The following NXPE2 variants were observed in gnomAD, a reference collection of about 807,000 sequenced individuals.
NXPE2 encodes NXPE family member 2.
Under a neutral mutation model 34.4 loss-of-function variants are expected in NXPE2, and 34 were observed. The observed-to-expected ratio is 0.99, with a 90% CI of 0.75 to 1.31. NXPE2 has a LOEUF of 1.31. Among genes scored for constraint, NXPE2 ranks in the 40% most tolerant of loss-of-function variants. The pLI is 0.00. For missense variants in NXPE2, 649 were observed against 672.5 expected (o/e 0.97, Z 0.39); for synonymous variants, 235 against 231.3 (o/e 1.02, Z -0.15).
At chr11:114,707,449 C>T (rs772823318), downstream of NXPE2, 28 of 420,748 alleles carry the variant, frequency 6.7e-5, no homozygotes, top group Middle Eastern at 1.4e-3. Flanking sequence ...GACTGGAGTG[C>T]AGTGGCATGA....
chr11:114,522,311 A>G, the NXPE2 span: 2 of 1,614,100 alleles, frequency 1.2e-6, no homozygotes, highest in African/African-American at 2.7e-5. Context: ...GGTGATGACG[A>G]TGGCTGTGTT....
the NXPE2 span, chr11:114,594,739 A>C: frequency 6.4e-7 from 1 of 1,571,192 alleles, no homozygotes; most frequent in South Asian, 1.1e-5. Flanking sequence ...GTGACTTATA[A>C]TTTATCATAC....
chr11:114,497,340 A>G, the NXPE2 span, among the ~76,000 whole-genome samples: 1 of 152,266 alleles, frequency 6.6e-6, no homozygotes, highest in East Asian at 1.9e-4. Context: ...TATAAACTTT[A>G]TAATAGTGTG....
chr11:114,614,776 AC>A, the NXPE2 span, among the ~76,000 whole-genome samples: 4 of 151,702 alleles, frequency 2.6e-5, no homozygotes, highest in East Asian at 7.8e-4. Flanking sequence ...CTCATGGGTA[AC>A]CATTGTTACC....
intron 2 of NXPE2, among the ~76,000 whole-genome samples, chr11:114,696,840 C>A (rs1591438812): frequency 6.6e-6 from 1 of 152,220 alleles, no homozygotes; most frequent in Middle Eastern, 3.4e-3. Context: ...AATATATATT[C>A]CAAGACCCCA....
At chr11:114,646,175 AAACT>A in the NXPE2 span, among the ~76,000 whole-genome samples, 4 of 152,006 alleles carry the variant, frequency 2.6e-5, no homozygotes, top group Non-Finnish European at 5.9e-5. Context: ...TCTATATCTT[AAACT>A]AACTATGTCT....
the NXPE2 span, among the ~76,000 whole-genome samples, chr11:114,785,497 C>T: frequency 1.2e-4 from 18 of 152,272 alleles, no homozygotes; most frequent in East Asian, 3.1e-3. Flanking sequence ...TCATCAATGG[C>T]TCAGTTAATT....
At chr11:114,629,429 A>G in the NXPE2 span, among the ~76,000 whole-genome samples, 1 of 150,966 alleles carries the variant, frequency 6.6e-6, no homozygotes, top group African/African-American at 2.4e-5. Context: ...CCACATGATT[A>G]TCTCAATAGA....
the NXPE2 span, among the ~76,000 whole-genome samples, chr11:114,569,662 C>T: frequency 1.7e-4 from 26 of 152,282 alleles, no homozygotes; most frequent in East Asian, 4.8e-3. Context: ...GGGTCTTGCG[C>T]TGTCACTCTG....
chr11:114,495,103 G>A, the NXPE2 span, among the ~76,000 whole-genome samples: 3 of 152,140 alleles, frequency 2.0e-5, no homozygotes, highest in Non-Finnish European at 4.4e-5. Flanking sequence ...CTGGAGCTGG[G>A]GGAGGAGTGA....
At chr11:114,794,272 C>G in the NXPE2 span, among the ~76,000 whole-genome samples, 17,484 of 152,166 alleles carry the variant, frequency 0.11, 1,102 homozygotes, top group Admixed American at 0.19. Flanking sequence ...ACCATATTCT[C>G]TTTCACTTCT....
the NXPE2 span, among the ~76,000 whole-genome samples, chr11:114,623,060 T>G: frequency 1.3e-5 from 2 of 151,936 alleles, no homozygotes; most frequent in African/African-American, 4.8e-5. Context: ...AGTGTTGCCT[T>G]GAGGGTAACC....
chr11:114,704,453 A>G (rs1951434980), intron 4 of NXPE2, among the ~76,000 whole-genome samples: 1 of 152,212 alleles, frequency 6.6e-6, no homozygotes, highest in Admixed American at 6.5e-5. Context: ...CATTTAGCCA[A>G]GCCATCTTAC....
chr11:114,540,689 A>G, the NXPE2 span, among the ~76,000 whole-genome samples: 1 of 152,084 alleles, frequency 6.6e-6, no homozygotes, highest in African/African-American at 2.4e-5. Context: ...CCTGAAGGCT[A>G]AAGACAGTGA....
At chr11:114,469,775 A>G in the NXPE2 span, among the ~76,000 whole-genome samples, 1 of 152,174 alleles carries the variant, frequency 6.6e-6, no homozygotes, top group Non-Finnish European at 1.5e-5. Context: ...ATAATGCCAC[A>G]GTTAACGTAA....
chr11:114,754,679 G>T, the NXPE2 span, among the ~76,000 whole-genome samples: 1 of 152,254 alleles, frequency 6.6e-6, no homozygotes, highest in African/African-American at 2.4e-5. Context: ...TGGGCTGGTG[G>T]TGGGTATGGC....
At chr11:114,688,080 T>C (rs1161141797) in intron 2 of NXPE2, among the ~76,000 whole-genome samples, 1 of 152,100 alleles carries the variant, frequency 6.6e-6, no homozygotes, top group Non-Finnish European at 1.5e-5. Context: ...TGATGACTTT[T>C]ATTTTTTCCT....
chr11:114,604,470 C>A, the NXPE2 span, among the ~76,000 whole-genome samples: 27,038 of 151,748 alleles, frequency 0.18, 2,706 homozygotes, highest in Non-Finnish European at 0.22. Context: ...TTGTGGGTAA[C>A]CACTGTTACC....
the NXPE2 span, among the ~76,000 whole-genome samples, chr11:114,661,042 G>T: frequency 1.3e-5 from 2 of 152,100 alleles, no homozygotes; most frequent in African/African-American, 4.8e-5. Flanking sequence ...ATACTTATGT[G>T]TAAATCTAAT....
Sources: gnomAD v4.1 joint callset for allele counts (sites outside exome capture counted in the v4.1 genomes callset) on GRCh38, gnomAD v4.1.1 for gene constraint, MANE v1.5 for transcripts, NCBI Gene and HGNC (gene_info 2026-07-23, HGNC 2026-07-21) for gene names.